Variants in HIPK2 observed in about 807,000 individuals in gnomAD.
HIPK2 encodes homeodomain interacting protein kinase 2.
A neutral mutation model predicts 113.7 loss-of-function variants in HIPK2; 27 were observed. The ratio of observed to expected loss-of-function variants is 0.24; its 90% CI spans 0.17 to 0.33. The LOEUF (loss-of-function observed/expected upper bound fraction) is 0.33. Ranked by LOEUF, HIPK2 falls within the 10% of genes least tolerant of loss-of-function variation. The pLI is 1.00. For synonymous variants in HIPK2, 631 were observed against 642.2 expected (o/e 0.98, Z 0.26); for missense variants, 1,257 against 1,588.0 (o/e 0.79, Z 3.54).
chr7:139,597,026 C>A, intron 11 of HIPK2, 28 bp from the exon 12 acceptor site: 1 of 1,570,148 alleles, frequency 6.4e-7, no homozygotes, highest in Non-Finnish European at 8.7e-7. Flanking sequence ...CACTCTCACA[C>A]AGAGGAAGGT....
At chr7:139,740,497 A>C (rs922317030) in intron 1 of HIPK2, among the ~76,000 whole-genome samples, 3 of 152,194 alleles carry the variant, frequency 2.0e-5, no homozygotes, top group African/African-American at 7.2e-5. Flanking sequence ...GCTCCTGGTC[A>C]AAGCCTCGGA....
At chr7:139,638,682 G>A (rs1164497469) in intron 2 of HIPK2, among the ~76,000 whole-genome samples, 5 of 129,614 alleles carry the variant, frequency 3.9e-5, no homozygotes, top group African/African-American at 1.7e-4. Flanking sequence ...TTTTGAGACA[G>A]AGTCTCACTC....
At chr7:139,622,984 T>C (rs1057302907) in intron 6 of HIPK2, among the ~76,000 whole-genome samples, 2 of 152,148 alleles carry the variant, frequency 1.3e-5, no homozygotes, top group African/African-American at 4.8e-5. Context: ...CCCCAGGCTT[T>C]ATGGGGGTGA....
intron 13 of HIPK2, among the ~76,000 whole-genome samples, chr7:139,579,941 C>A (rs1798615069): frequency 1.3e-5 from 2 of 152,184 alleles, no homozygotes; most frequent in Admixed American, 6.5e-5. Context: ...AACAGACCTG[C>A]ATTTGGGAAT....
In HIPK2 at chr7:139,767,254, G is replaced by T. The variant is rs547568567; in HGVS notation, c.19+10351C>A. On this transcript the variant is annotated intron_variant, in intron 1 of 14. Coordinates refer to ENST00000406875, the MANE Select transcript of HIPK2 (RefSeq NM_022740.5). ...TGGGGGTGAAACCCAGCAATCTGTT[G>T]TAACAAGCCCTCCAGAGAACTGAAG... 5.9e-5 allele frequency among the ~76,000 whole-genome samples: 9 copies of T among 152,340 alleles called. No homozygotes were observed. In the South Asian group the frequency reaches 1.9e-3, roughly 32 times the overall value.
chr7:139,730,517 T>C (rs1795744123), intron 1 of HIPK2, among the ~76,000 whole-genome samples: 1 of 152,056 alleles, frequency 6.6e-6, no homozygotes. Flanking sequence ...TGAGCCAACA[T>C]GCCCGGCTAA....
At position 139,562,686 on chromosome 7, in the gene HIPK2, A is replaced by C. The variant is rs949246034; in HGVS notation, c.*10241T>G. 1 of 152,208 alleles carries C rather than the reference A, an allele frequency of 6.6e-6. No individual in the cohort carries two copies. 9.4% of individuals were successfully genotyped at this position (152,208 alleles called of 1,614,324 possible). ...AGGGCCTGCTGGCTCTGCCGTGGTG[A>C]GGTGGATGACAAGGGCCCGGCGCCA... On this transcript the variant is annotated 3_prime_UTR_variant, in exon 15 of 15. Coordinates refer to ENST00000406875, the MANE Select transcript of HIPK2 (RefSeq NM_022740.5).
At chr7:139,773,759 G>A (rs1160727725) in intron 1 of HIPK2, among the ~76,000 whole-genome samples, 3 of 152,222 alleles carry the variant, frequency 2.0e-5, no homozygotes. Flanking sequence ...TGTGGTGGGC[G>A]AGGAGCCTCC....
intron 1 of HIPK2, 45 bp from the exon 2 acceptor site, chr7:139,717,060 G>C (rs1569480118): frequency 6.4e-7 from 1 of 1,564,176 alleles, no homozygotes; most frequent in South Asian, 1.2e-5. Flanking sequence ...AGTCACCTTG[G>C]TACAAGTAAA....
intron 13 of HIPK2, 141 bp from the exon 14 acceptor site, chr7:139,575,429 C>G (rs947330552): frequency 3.1e-6 from 3 of 961,850 alleles, no homozygotes; most frequent in Non-Finnish European, 4.6e-6. Context: ...TCATCTCCCC[C>G]GGACCCACTA....
At chr7:139,678,436 C>A (rs1802581824) in intron 2 of HIPK2, among the ~76,000 whole-genome samples, 1 of 152,204 alleles carries the variant, frequency 6.6e-6, no homozygotes, top group Non-Finnish European at 1.5e-5. Context: ...AATAGGGAAT[C>A]CTTCCCCACT....
chr7:139,622,998 T>C (rs192458614), intron 6 of HIPK2, among the ~76,000 whole-genome samples: 1 of 152,306 alleles, frequency 6.6e-6, no homozygotes, highest in Non-Finnish European at 1.5e-5. Flanking sequence ...GGGGTGACTA[T>C]CTGACTGTTT....
intron 1 of HIPK2, among the ~76,000 whole-genome samples, chr7:139,770,099 G>A (rs921196301): frequency 9.8e-5 from 15 of 152,310 alleles, no homozygotes; most frequent in Admixed American, 3.3e-4. Context: ...AGTAGATGCC[G>A]TGACACAGAA....
Position 139,570,805 on chromosome 7 carries a change from G to C in HIPK2, c.*2122C>G, listed in dbSNP as rs528573884. The C allele has an allele frequency of 2.6e-4, 40 of 152,436 alleles. No individual in the cohort carries two copies. The highest frequency in any genetic ancestry group is 9.6e-4 in the African/African-American group (40 of 41,552). 9.4% of individuals were successfully genotyped at this position (152,436 alleles called of 1,614,324 possible). A position where few individuals can be genotyped will look rare whatever the true frequency, so the allele number is the denominator to read the frequency against. ...TGCACCTTGGAAACCTGCCTGTGGG[G>C]TCAGCTAAAGACTCAACATCAGAAG... On this transcript the variant is annotated 3_prime_UTR_variant, in exon 15 of 15. Coordinates refer to ENST00000406875, the MANE Select transcript of HIPK2 (RefSeq NM_022740.5).
At chr7:139,692,675 T>A (rs1794440206) in intron 2 of HIPK2, among the ~76,000 whole-genome samples, 1 of 152,224 alleles carries the variant, frequency 6.6e-6, no homozygotes, top group South Asian at 2.1e-4. Flanking sequence ...GCAAGTCACA[T>A]TTTCCAATTT....
At position 139,619,284 on chromosome 7, in the gene HIPK2, AC is replaced by A. The variant is rs757281328; in HGVS notation, c.1782+1116del. ...AGGTATTCACATTTCAGGTACACACACATCCACACAGAAGTCTTTTCATTCC... is the reference window on the plus strand; with the variant it reads ...AGGTATTCACATTTCAGGTACACACAATCCACACAGAAGTCTTTTCATTCC... On this transcript the variant is annotated intron_variant, in intron 7 of 14. Coordinates refer to ENST00000406875, the MANE Select transcript of HIPK2 (RefSeq NM_022740.5). Among the ~76,000 whole-genome samples, 11 of 152,344 alleles carry A rather than the reference AC, an allele frequency of 7.2e-5. No homozygotes were observed. The East Asian group carries it at 2.1e-3, about 29-fold the overall frequency.
intron 2 of HIPK2, among the ~76,000 whole-genome samples, chr7:139,641,795 T>C (rs12537804): frequency 0.01 from 1,560 of 152,324 alleles, 86 homozygotes; most frequent in Admixed American, 0.089. Context: ...CTCATTTACA[T>C]AGTTCACTGA....
At chr7:139,731,376 T>C (rs903213602) in intron 1 of HIPK2, among the ~76,000 whole-genome samples, 4 of 152,224 alleles carry the variant, frequency 2.6e-5, no homozygotes, top group African/African-American at 9.7e-5. Context: ...TTCATTGTGA[T>C]TGAGGTTTGA....
At chr7:139,602,170 C>T (rs1799452221) in intron 10 of HIPK2, among the ~76,000 whole-genome samples, 1 of 152,070 alleles carries the variant, frequency 6.6e-6, no homozygotes, top group African/African-American at 2.4e-5. Context: ...CCAGGCTGGT[C>T]TCAAACTCCT....
Sources: gnomAD v4.1 joint callset for allele counts (sites outside exome capture counted in the v4.1 genomes callset) on GRCh38, gnomAD v4.1.1 for gene constraint, MANE v1.5 for transcripts, NCBI Gene and HGNC (gene_info 2026-07-23, HGNC 2026-07-21) for gene names.